TTC7B: variants seen among roughly 807,000 people sequenced by gnomAD.
The protein encoded by TTC7B is tetratricopeptide repeat protein 7B.
In TTC7B, 28 loss-of-function variants were observed where a neutral mutation model predicts 106.8. The ratio of observed to expected loss-of-function variants is 0.26; its 90% CI spans 0.19 to 0.36. TTC7B has a LOEUF of 0.36. TTC7B is among the 10% of genes least tolerant of loss of function. The pLI is 1.00. For missense variants in TTC7B, 862 were observed against 1,076.4 expected, an observed-to-expected ratio of 0.80 and a Z score of 2.79; for synonymous variants, 405 against 430.6, an observed-to-expected ratio of 0.94 and a Z score of 0.74.
chr14:90,754,601 A>T (rs967432797), intron 3 of TTC7B, among the ~76,000 whole-genome samples: 4 of 152,182 alleles, frequency 2.6e-5, no homozygotes, highest in Non-Finnish European at 5.9e-5. Flanking sequence ...TATTATTCAC[A>T]TACCATAAAA....
At chr14:90,809,202 C>T (rs942601289) in intron 1 of TTC7B, among the ~76,000 whole-genome samples, 3 of 152,314 alleles carry the variant, frequency 2.0e-5, no homozygotes, top group South Asian at 2.1e-4. Flanking sequence ...AAGATATGAA[C>T]GATTTCCAGG....
chr14:90,628,722 A>G (rs1008755504), intron 15 of TTC7B, among the ~76,000 whole-genome samples: 8 of 152,242 alleles, frequency 5.3e-5, no homozygotes, highest in Non-Finnish European at 8.8e-5. Flanking sequence ...CCAGGGCCAC[A>G]TGGGACCGCG....
chr14:90,810,442 AC>A (rs2030837725), intron 1 of TTC7B, among the ~76,000 whole-genome samples: 1 of 152,180 alleles, frequency 6.6e-6, no homozygotes, highest in South Asian at 2.1e-4. Context: ...CAGGGCTCTT[AC>A]CCACTGTGCT....
intron 19 of TTC7B, among the ~76,000 whole-genome samples, chr14:90,541,910 T>C (rs1267239521): frequency 6.6e-6 from 1 of 152,238 alleles, no homozygotes; most frequent in Non-Finnish European, 1.5e-5. Flanking sequence ...CAGCGCGGCG[T>C]CAGCATGGGA....
At chr14:90,602,057 T>C (rs1034434995) in intron 17 of TTC7B, 6 of 453,814 alleles carry the variant, frequency 1.3e-5, no homozygotes, top group Non-Finnish European at 2.7e-5. Flanking sequence ...CACATCTAGG[T>C]TGAGCTGGAT....
chr14:90,716,058 G>T (rs1477465066), intron 5 of TTC7B, among the ~76,000 whole-genome samples: 1 of 152,148 alleles, frequency 6.6e-6, no homozygotes, highest in Non-Finnish European at 1.5e-5. Flanking sequence ...GGTCCGTCAC[G>T]ATAGGCAGAG....
intron 3 of TTC7B, among the ~76,000 whole-genome samples, chr14:90,775,353 T>C (rs1386792765): frequency 6.6e-6 from 1 of 152,170 alleles, no homozygotes; most frequent in African/African-American, 2.4e-5. Flanking sequence ...TAGATATTAT[T>C]ATTATCTCCA....
At chr14:90,811,715 T>C (rs1476598228) in intron 1 of TTC7B, among the ~76,000 whole-genome samples, 1 of 152,206 alleles carries the variant, frequency 6.6e-6, no homozygotes, top group Non-Finnish European at 1.5e-5. Flanking sequence ...ACGAGGTAAT[T>C]AAAATGTCTC....
intron 9 of TTC7B, among the ~76,000 whole-genome samples, chr14:90,660,125 C>T (rs561694085): frequency 8.6e-5 from 13 of 151,976 alleles, no homozygotes; most frequent in Non-Finnish European, 1.6e-4. Context: ...TGGCTCACAC[C>T]TGTAATCTCA....
chr14:90,766,930 C>A, intron 3 of TTC7B: 1 of 1,525,438 alleles, frequency 6.6e-7, no homozygotes, highest in Non-Finnish European at 9.0e-7. Flanking sequence ...TGTCCAAAGT[C>A]AGCACACCAA....
intron 4 of TTC7B, among the ~76,000 whole-genome samples, chr14:90,734,842 G>A (rs969972590): frequency 6.6e-6 from 1 of 152,122 alleles, no homozygotes; most frequent in Non-Finnish European, 1.5e-5. Context: ...AGAGTACAGT[G>A]GCACGATCTC....
chr14:90,578,311 G>A lies in TTC7B; in HGVS notation c.2108-3C>T, dbSNP rs1891346664. ...CCCGATGCCGATATAGACTTCAGCTGTGAGGAGACAGCAACGGCACATGCT... is the reference window on the plus strand; with the variant it reads ...CCCGATGCCGATATAGACTTCAGCTATGAGGAGACAGCAACGGCACATGCT... On this transcript the variant is annotated splice_polypyrimidine_tract_variant and splice_region_variant and intron_variant, in intron 18 of 19. Transcript: ENST00000328459. The surrounding 1 kb of genome is among the most constrained non-coding windows in gnomAD (Gnocchi z 4.7). The A allele has an allele frequency of 6.8e-6, 11 of 1,613,476 alleles. No individual in the cohort carries two copies. The highest frequency in any genetic ancestry group is 8.5e-6 in the Non-Finnish European group (10 of 1,179,834).
intron 17 of TTC7B, among the ~76,000 whole-genome samples, chr14:90,599,746 A>G (rs1476214138): frequency 6.6e-6 from 1 of 152,218 alleles, no homozygotes; most frequent in East Asian, 1.9e-4. Flanking sequence ...GCTGCTAATG[A>G]ATTTCTGCTG....
intron 19 of TTC7B, among the ~76,000 whole-genome samples, chr14:90,560,906 G>C (rs371485407): frequency 2.0e-5 from 3 of 152,236 alleles, no homozygotes; most frequent in Admixed American, 1.3e-4. Flanking sequence ...TCAGGCAGCA[G>C]GTAAAGAATT....
At chr14:90,737,959 A>G (rs1381491525) in intron 4 of TTC7B, among the ~76,000 whole-genome samples, 1 of 152,150 alleles carries the variant, frequency 6.6e-6, no homozygotes, top group Non-Finnish European at 1.5e-5. Flanking sequence ...TAAAATGGGG[A>G]TTGACTGCTG....
At position 90,652,908 on chromosome 14, in the gene TTC7B, G is replaced by C. The variant is rs1383972170; in HGVS notation, c.1460-10C>G. ...ATCCCTCGCAAAGAAGCTAAGAAAA[G>C]GGTTCAATTAGTCAGTGGCATGGGG... On this transcript the variant is annotated splice_polypyrimidine_tract_variant and intron_variant, in intron 12 of 19. Transcript: ENST00000328459. 6.2e-7 allele frequency: 1 copy of C among 1,614,050 alleles called. No homozygotes were observed. Among genetic ancestry groups the C allele is most frequent in the Non-Finnish European group, 8.5e-7 (1 of 1,180,038 alleles).
At chr14:90,646,401 T>A (rs988287268) in intron 14 of TTC7B, among the ~76,000 whole-genome samples, 1 of 152,216 alleles carries the variant, frequency 6.6e-6, no homozygotes, top group Non-Finnish European at 1.5e-5. Flanking sequence ...CGACAAAACT[T>A]GCCCCTCCCG....
chr14:90,714,513 A>G (rs920982140), intron 5 of TTC7B, among the ~76,000 whole-genome samples: 2 of 150,558 alleles, frequency 1.3e-5, no homozygotes, highest in African/African-American at 4.9e-5. Context: ...CTGGAGTGCA[A>G]TGGCGCAATC....
At chr14:90,728,269 AG>A (rs529909834) in intron 5 of TTC7B, among the ~76,000 whole-genome samples, 28 of 142,162 alleles carry the variant, frequency 2.0e-4, no homozygotes, top group African/African-American at 7.0e-4. Context: ...AGGCCAAGGC[AG>A]GCAGATCCCT....
Sources: allele counts gnomAD v4.1 joint callset (sites outside exome capture counted in the v4.1 genomes callset), GRCh38; gene constraint gnomAD v4.1.1; non-coding constraint Gnocchi (gnomAD v3.1); transcripts MANE v1.5; gene names NCBI Gene and HGNC (gene_info 2026-07-23, HGNC 2026-07-21).